ZNF107: variants seen among roughly 807,000 people sequenced by gnomAD.
ZNF107 encodes the protein zinc finger protein 107.
Under a neutral mutation model 12.3 loss-of-function variants are expected in ZNF107, and 19 were observed. That is an observed-to-expected ratio of 1.55 (90% confidence interval 1.08 to 2.27). ZNF107 has a LOEUF of 2.27. ZNF107 is among the 30% of genes most tolerant of loss of function. ZNF107 has a pLI of 0.00. For missense variants in ZNF107, 958 were observed against 979.9 expected, an observed-to-expected ratio of 0.98 and a Z score of 0.30; for synonymous variants, 317 against 330.5, an observed-to-expected ratio of 0.96 and a Z score of 0.44.
At chr7:64,693,091 C>T (rs1056130125) in intron 3 of ZNF107, among the ~76,000 whole-genome samples, 7 of 151,502 alleles carry the variant, frequency 4.6e-5, no homozygotes, top group Non-Finnish European at 8.8e-5. Flanking sequence ...CTCTGCCTCC[C>T]GGGTTCACAC....
chr7:64,673,162 G>A (rs1288321640), intron 1 of ZNF107, among the ~76,000 whole-genome samples: 1 of 152,136 alleles, frequency 6.6e-6, no homozygotes, highest in Non-Finnish European at 1.5e-5. Context: ...TTCTGCCTCA[G>A]CCTCCCGAGT....
chr7:64,675,521 CTT>C (rs1789384819), intron 1 of ZNF107, among the ~76,000 whole-genome samples: 1 of 151,890 alleles, frequency 6.6e-6, no homozygotes, highest in Non-Finnish European at 1.5e-5. Context: ...GTTTATTTAA[CTT>C]ATTAATTTTT....
chr7:64,703,363 A>AT (rs1790537021), intron 3 of ZNF107, among the ~76,000 whole-genome samples: 1 of 151,824 alleles, frequency 6.6e-6, no homozygotes, highest in African/African-American at 2.4e-5. Flanking sequence ...TGGTTGTTCA[A>AT]TTTTGTCTAG....
At chr7:64,675,450 T>C (rs1014328700) in intron 1 of ZNF107, among the ~76,000 whole-genome samples, 2 of 152,140 alleles carry the variant, frequency 1.3e-5, no homozygotes, top group African/African-American at 4.8e-5. Context: ...TGGTAATGCT[T>C]CTTTTGTCAT....
At chr7:64,703,713 G>A (rs1790548216) in intron 3 of ZNF107, among the ~76,000 whole-genome samples, 1 of 152,102 alleles carries the variant, frequency 6.6e-6, no homozygotes, top group Admixed American at 6.6e-5. Flanking sequence ...AAAGGTCTGA[G>A]CCACCGTGCC....
chr7:64,693,293 G>A (rs867670647), intron 3 of ZNF107, among the ~76,000 whole-genome samples: 12 of 149,106 alleles, frequency 8.0e-5, no homozygotes, highest in Non-Finnish European at 1.5e-4. Flanking sequence ...GATTACAGGC[G>A]TGAGCCACCA....
chr7:64,687,639 T>C, intron 1 of ZNF107: 1 of 879,104 alleles, frequency 1.1e-6, no homozygotes. Context: ...CCAATTAGCA[T>C]ATATGGATGA....
chr7:64,687,876 T>C (rs1387949619), intron 1 of ZNF107, among the ~76,000 whole-genome samples: 4 of 152,220 alleles, frequency 2.6e-5, no homozygotes, highest in Non-Finnish European at 5.9e-5. Context: ...TTCTTTTATT[T>C]ATATTTTCCA....
In ZNF107 at chr7:64,707,942, T is replaced by C; in HGVS notation, c.1845T>C (p.His615=). The C allele has an allele frequency of 6.2e-7, 1 of 1,613,566 alleles. No homozygotes were observed. The highest frequency in any genetic ancestry group is 8.5e-7 in the Non-Finnish European group (1 of 1,179,756). Residue 615 remains histidine (H), a synonymous_variant, in exon 4 of 4, where the codon CAT becomes CAC. Transcript: ENST00000620827. The part of the protein sequence containing the change: ...SSHRTIHKII[H]TGEKPYKCEE... The stretch of plus-strand genomic sequence containing the variant: ...ACCGTACTATACATAAAATTATTCA[T>C]ACTGGAGAGAAACCCTACAAATGTG...
At chr7:64,676,863 C>G (rs1354351370) in intron 1 of ZNF107, among the ~76,000 whole-genome samples, 1 of 152,076 alleles carries the variant, frequency 6.6e-6, no homozygotes, top group Non-Finnish European at 1.5e-5. Context: ...TCTATGTTAT[C>G]TTATGTAAAA....
intron 1 of ZNF107, among the ~76,000 whole-genome samples, chr7:64,670,191 A>C (rs1210488367): frequency 6.6e-6 from 1 of 152,256 alleles, no homozygotes; most frequent in Non-Finnish European, 1.5e-5. Context: ...TTCTGTAAAA[A>C]AAATTCTGAA....
chr7:64,684,601 G>T, intron 1 of ZNF107: 1 of 985,326 alleles, frequency 1.0e-6, no homozygotes, highest in Non-Finnish European at 1.2e-6. Context: ...AATCCCTGAA[G>T]AAACTTAAAT....
chr7:64,701,281 GT>G (rs1399259470), intron 3 of ZNF107, among the ~76,000 whole-genome samples: 4 of 151,910 alleles, frequency 2.6e-5, no homozygotes, highest in Non-Finnish European at 2.9e-5. Context: ...GCTAATATGA[GT>G]TTCGTTTTTT....
chr7:64,671,989 T>C (rs1180432923), intron 1 of ZNF107, among the ~76,000 whole-genome samples: 1 of 151,862 alleles, frequency 6.6e-6, no homozygotes, highest in Non-Finnish European at 1.5e-5. Context: ...GGTTTCACCG[T>C]GTTAACCAGG....
rs77743274 is a variant in ZNF107, at chr7:64,685,159, C to T, written c.4-6089C>T. Among the ~76,000 whole-genome samples, 1,175 of 152,304 alleles carry T rather than the reference C, an allele frequency of 7.7e-3. 9 individuals carry two copies. Among genetic ancestry groups the T allele is most frequent in the Non-Finnish European group, 0.012 (815 of 68,036 alleles). On this transcript the variant is annotated intron_variant, in intron 1 of 3. Coordinates refer to ENST00000620827, the MANE Select transcript of ZNF107 (RefSeq NM_001282359.2). ...ACGCTCCTACATGTCCAGCCTCACC[C>T]ATTACACAAGTAATGAAAAGCCCAT...
chr7:64,707,545 G>A lies in ZNF107; in HGVS notation c.1448G>A (p.Cys483Tyr), dbSNP rs768939166. Residue 483 changes from cysteine (C) to tyrosine (Y), a missense_variant, in exon 4 of 4, where the codon TGT (cysteine) becomes TAT (tyrosine). By Grantham distance (194) the Cys-to-Tyr change is radical (BLOSUM62 -2). Transcript: ENST00000620827. ...KIYSGEKPYK[C>Y]EECGKAFNRS... ...TATTCTGGAGAGAAACCATACAAAT[G>A]TGAAGAATGTGGAAAAGCTTTTAAT... 1 of 1,613,150 alleles carries A rather than the reference G, an allele frequency of 6.2e-7. No homozygotes were observed. The highest frequency in any genetic ancestry group is 1.7e-5 in the Admixed American group (1 of 59,948).
intron 1 of ZNF107, chr7:64,686,353 A>T: frequency 8.5e-6 from 2 of 236,210 alleles, no homozygotes; most frequent in Non-Finnish European, 1.4e-5. Flanking sequence ...TCTTCCGTCT[A>T]GCCTCTCAGT....
chr7:64,672,421 A>G (rs1789267305), intron 1 of ZNF107, among the ~76,000 whole-genome samples: 1 of 151,994 alleles, frequency 6.6e-6, no homozygotes, highest in South Asian at 2.1e-4. Context: ...CAGTGGTGTG[A>G]TCTTGGCTCA....
At chr7:64,694,925 C>G (rs947303656) in intron 3 of ZNF107, among the ~76,000 whole-genome samples, 1 of 151,994 alleles carries the variant, frequency 6.6e-6, no homozygotes, top group South Asian at 2.1e-4. Context: ...TAGTTACTTA[C>G]AAATTTGAGC....
Sources: allele counts gnomAD v4.1 joint callset (sites outside exome capture counted in the v4.1 genomes callset), GRCh38; gene constraint gnomAD v4.1.1; transcripts MANE v1.5; gene names NCBI Gene and HGNC (gene_info 2026-07-23, HGNC 2026-07-21).